SPATA45: variants seen among roughly 807,000 people sequenced by gnomAD.
SPATA45 encodes spermatogenesis associated 45, also known as spermatogenesis-associated protein 45.
A neutral mutation model predicts 7.0 loss-of-function variants in SPATA45; 5 were observed. The ratio of observed to expected loss-of-function variants is 0.71; its 90% confidence interval spans 0.37 to 1.50. The LOEUF (loss-of-function observed/expected upper bound fraction) is 1.50. SPATA45 is among the 40% of genes most tolerant of loss of function. The pLI is 0.03. For missense variants in SPATA45, 111 were observed against 114.9 expected (o/e 0.97, Z 0.16); for synonymous variants, 40 against 38.7 (o/e 1.03, Z -0.13).
Position 212,836,135 on chromosome 1 carries a change from G to A in SPATA45, c.15C>T (p.Asn5=). ...GTTTTTTCATTATTTCAATGGTTCT[G>A]TTTATAGATGCCATTATGGTCACAA... MASI[N]RTIEIMKKHG... is the part of the protein sequence containing the mutation. Residue 5 remains asparagine, a synonymous_variant, in exon 2 of 3, where the codon AAC becomes AAT. Transcript: ENST00000332912. The A allele has an allele frequency of 6.2e-7, 1 of 1,602,566 alleles. No individual in the cohort carries two copies. Among genetic ancestry groups the A allele is most frequent in the Middle Eastern group, 1.7e-4 (1 of 6,020 alleles).
At chr1:212,835,811 G>A in intron 2 of SPATA45, 62 bp downstream of exon 2, 1 of 1,427,604 alleles carries the variant, frequency 7.0e-7, no homozygotes, top group Non-Finnish European at 9.5e-7. Context: ...ACTCCAGCCT[G>A]GGCGACAAGA....
At chr1:212,841,461 C>T (rs1157010073) in intron 1 of SPATA45, among the ~76,000 whole-genome samples, 1 of 151,988 alleles carries the variant, frequency 6.6e-6, no homozygotes, top group Non-Finnish European at 1.5e-5. Context: ...CTGTGCCTCA[C>T]ATTAATTATT....
At chr1:212,841,631 CT>C (rs5780702) in intron 1 of SPATA45, among the ~76,000 whole-genome samples, 47,280 of 125,194 alleles carry the variant, frequency 0.38, 5,087 homozygotes, top group South Asian at 0.48. Flanking sequence ...AGGTATCTTT[CT>C]TTTTTTTTTT....
chr1:212,837,561 A>C (rs1249492384), intron 1 of SPATA45, among the ~76,000 whole-genome samples: 1 of 151,700 alleles, frequency 6.6e-6, no homozygotes, highest in East Asian at 1.9e-4. Flanking sequence ...TGAACCCGGG[A>C]GGCAGAGGTT....
At chr1:212,837,612 G>A (rs946498735) in intron 1 of SPATA45, among the ~76,000 whole-genome samples, 1 of 151,060 alleles carries the variant, frequency 6.6e-6, no homozygotes, top group East Asian at 2.0e-4. Context: ...CAGCCTGTGC[G>A]ACAGTGTGAG....
chr1:212,835,752 C>T, intron 2 of SPATA45, 121 bp downstream of exon 2: 1 of 887,570 alleles, frequency 1.1e-6, no homozygotes, highest in Non-Finnish European at 1.6e-6. Flanking sequence ...AGAAGAATCG[C>T]TTGAACCCGG....
At position 212,836,065 on chromosome 1, in the gene SPATA45, G is replaced by C; in HGVS notation, c.85C>G (p.Arg29Gly). The change falls in exon 2 of 3, where the codon CGT becomes GGT. Residue 29 changes from arginine to glycine, a missense_variant. Transcript: ENST00000332912. ...CGTTCCACCAAGCAGTTGGATTCAC[G>C]CTTTTTGTTTATCTCCTCCAGGAGA... ...QHLLEEINKK[R>G]ESNCLVERSN... 4.3e-6 allele frequency: 7 copies of C among 1,610,198 alleles called. 1 individual carries two copies. Among genetic ancestry groups the C allele is most frequent in the Non-Finnish European group, 5.9e-6 (7 of 1,177,036 alleles).
At chr1:212,835,804 C>A (rs568075332) in intron 2 of SPATA45, 69 bp downstream of exon 2, 10 of 1,399,602 alleles carry the variant, frequency 7.1e-6, no homozygotes, top group Non-Finnish European at 9.7e-6. Context: ...CCACTGCACT[C>A]CAGCCTGGGC....
Position 212,836,194 on chromosome 1 carries a change from A to G in SPATA45, c.-38-7T>C. 6.6e-7 allele frequency: 1 copy of G among 1,505,648 alleles called. No individual in the cohort carries two copies. Among genetic ancestry groups the G allele is most frequent in the South Asian group, 1.2e-5 (1 of 80,934 alleles). 93.3% of individuals were successfully genotyped at this position (1,505,648 alleles called of 1,614,324 possible). A position where few individuals can be genotyped will look rare whatever the true frequency, so the allele number is the denominator to read the frequency against. On this transcript the variant is annotated splice_region_variant and splice_polypyrimidine_tract_variant and intron_variant, in intron 1 of 2. Coordinates refer to ENST00000332912, the MANE Select transcript of SPATA45 (RefSeq NM_001024601.3). ...TCAAGTGATTCTTGCTGTCCTACAA[A>G]CAAATGAAAAAATACTTTCAATTGT... is the stretch of plus-strand genomic sequence containing the variant.
At position 212,836,252 on chromosome 1, in the gene SPATA45, C is replaced by T. The variant is rs146443124; in HGVS notation, c.-38-65G>A. Reference sequence around the variant, plus strand: ...ACTCAGAAGCCAGTATTCACAATCACGTTTGCCAGTTTCTCTTTTTGCCTT... The same window carrying T: ...ACTCAGAAGCCAGTATTCACAATCATGTTTGCCAGTTTCTCTTTTTGCCTT... On this transcript the variant is annotated intron_variant, in intron 1 of 2. Coordinates refer to ENST00000332912, the MANE Select transcript of SPATA45 (RefSeq NM_001024601.3). 1.1e-3 allele frequency: 1,418 copies of T among 1,278,142 alleles called. 22 individuals carry two copies. In the African/African-American group the frequency reaches 0.019, roughly 17 times the overall value. 79.2% of individuals were successfully genotyped at this position (1,278,142 alleles called of 1,614,324 possible).
rs530952770 is a variant in SPATA45 at position 212,830,981 on chromosome 1, CA to C, written c.278-721del. On this transcript the variant is annotated intron_variant, in intron 2 of 2. Coordinates refer to ENST00000332912, the MANE Select transcript of SPATA45 (RefSeq NM_001024601.3). ...CTGGTGACAGAGCAAGAAAAAATCT[CA>C]AAAAAAATTAGCTGGGTGTGGTGGT... Among the ~76,000 whole-genome samples the C allele has an allele frequency of 2.2e-3, 331 of 149,154 alleles. 2 individuals carry two copies. Among genetic ancestry groups the C allele is most frequent in the African/African-American group, 7.6e-3 (309 of 40,770 alleles).
intron 2 of SPATA45, among the ~76,000 whole-genome samples, chr1:212,831,034 G>A (rs1272056608): frequency 6.6e-6 from 1 of 151,378 alleles, no homozygotes; most frequent in East Asian, 1.9e-4. Context: ...AGCTACTCTG[G>A]AGGCTGAGGC....
chr1:212,836,370 G>A (rs549822499), intron 1 of SPATA45, among the ~76,000 whole-genome samples, 183 bp from the exon 2 acceptor site: 5 of 151,458 alleles, frequency 3.3e-5, no homozygotes, highest in South Asian at 2.1e-4. Context: ...TTGCTCTGTC[G>A]CCCAGGTTGA....
chr1:212,830,206 A>G lies in SPATA45; in HGVS notation c.*36T>C. The G allele has an allele frequency of 6.9e-7, 1 of 1,454,232 alleles. No individual in the cohort carries two copies. The highest frequency in any genetic ancestry group is 9.5e-7 in the Non-Finnish European group (1 of 1,051,554). 90.1% of individuals were successfully genotyped at this position (1,454,232 alleles called of 1,614,324 possible). On this transcript the variant is annotated 3_prime_UTR_variant, in exon 3 of 3. Coordinates refer to ENST00000332912, the MANE Select transcript of SPATA45 (RefSeq NM_001024601.3). ...TTTAGACACACTGAAGAAGAATCAA[A>G]GAGAATGTATTTCCGTGTGTCTCTG...
chr1:212,842,827 G>A (rs957798915), intron 1 of SPATA45, among the ~76,000 whole-genome samples: 21 of 151,864 alleles, frequency 1.4e-4, no homozygotes, highest in African/African-American at 4.6e-4. Flanking sequence ...GGTGGCTCAC[G>A]CCTGTAATCC....
chr1:212,835,557 G>C (rs1490148038), intron 2 of SPATA45, among the ~76,000 whole-genome samples: 1 of 148,396 alleles, frequency 6.7e-6, no homozygotes, highest in Non-Finnish European at 1.5e-5. Flanking sequence ...CATAGGCTGG[G>C]TGTGGTGGCT....
chr1:212,844,956 A>C (rs1663762369), intron 1 of SPATA45, among the ~76,000 whole-genome samples: 1 of 152,154 alleles, frequency 6.6e-6, no homozygotes, highest in African/African-American at 2.4e-5. Context: ...TAGCCTTCCA[A>C]CTTCTGTCCC....
At chr1:212,836,281 T>A (rs1663583141) in intron 1 of SPATA45, 94 bp from the exon 2 acceptor site, 5 of 979,604 alleles carry the variant, frequency 5.1e-6, no homozygotes. Flanking sequence ...TTGCCTTCTA[T>A]AAAATAACAC....
At chr1:212,831,894 C>T (rs1285546857) in intron 2 of SPATA45, among the ~76,000 whole-genome samples, 2 of 151,040 alleles carry the variant, frequency 1.3e-5, no homozygotes, top group Non-Finnish European at 3.0e-5. Context: ...ATAGTAATCC[C>T]CATATAGTTA....
Sources: gnomAD v4.1 joint callset for allele counts (sites outside exome capture counted in the v4.1 genomes callset) on GRCh38, gnomAD v4.1.1 for gene constraint, MANE v1.5 for transcripts, NCBI Gene and HGNC (gene_info 2026-07-23, HGNC 2026-07-21) for gene names.